The following PIGN variants were observed in gnomAD, a reference collection of about 807,000 sequenced individuals.
PIGN encodes the protein phosphatidylinositol glycan anchor biosynthesis class N.
In PIGN, 117 loss-of-function variants were observed where a neutral mutation model predicts 125.4. The ratio of observed to expected loss-of-function variants is 0.93; its 90% CI spans 0.80 to 1.09. PIGN has a LOEUF of 1.09. PIGN is among the 50% of genes least tolerant of loss of function. The probability of loss-of-function intolerance (pLI) is 0.00; values close to 1 mark genes in which losing one functional copy is unlikely to be tolerated. For missense variants in PIGN, 1,075 were observed against 1,094.9 expected (o/e 0.98, Z 0.26); for synonymous variants, 392 against 377.8 (o/e 1.04, Z -0.44).
chr18:62,170,241 A>G (rs2037303070), intron 1 of PIGN, among the ~76,000 whole-genome samples: 1 of 152,212 alleles, frequency 6.6e-6, no homozygotes, highest in Non-Finnish European at 1.5e-5. Context: ...TTCTAGATGC[A>G]GGCATACCAC....
chr18:62,174,035 G>C (rs1410832026), intron 1 of PIGN, among the ~76,000 whole-genome samples: 3 of 152,104 alleles, frequency 2.0e-5, no homozygotes, highest in Admixed American at 2.0e-4. Flanking sequence ...CCAATGTGGT[G>C]AAACCCCATC....
chr18:62,148,527 T>A (rs1057446254), intron 7 of PIGN, among the ~76,000 whole-genome samples, 189 bp from the exon 8 acceptor site: 1 of 152,086 alleles, frequency 6.6e-6, no homozygotes, highest in Non-Finnish European at 1.5e-5. Context: ...AAATAATGAG[T>A]TAGCTGTTTT....
intron 22 of PIGN, among the ~76,000 whole-genome samples, chr18:62,100,821 T>C (rs2034406752): frequency 6.6e-6 from 1 of 152,224 alleles, no homozygotes. Flanking sequence ...AGTCAAATCT[T>C]ATGAGATGTT....
Position 62,181,842 on chromosome 18 carries a change from T to C in PIGN, c.-236+5002A>G, listed in dbSNP as rs1030366087. Among the ~76,000 whole-genome samples, 9 of 152,184 alleles carry C rather than the reference T, an allele frequency of 5.9e-5. No homozygotes were observed. The South Asian group carries it at 1.9e-3, about 32-fold the overall frequency. ...CCCGGGTTCAAGCAATTCTCCTGCCTCAGCCTCCCAAGTAGCTGGGATTAC... is the reference window on the plus strand; with the variant it reads ...CCCGGGTTCAAGCAATTCTCCTGCCCCAGCCTCCCAAGTAGCTGGGATTAC... On this transcript the variant is annotated intron_variant, in intron 1 of 30. Coordinates refer to ENST00000640252, the MANE Select transcript of PIGN (RefSeq NM_176787.5).
Position 62,114,579 on chromosome 18 carries a change from G to C in PIGN, c.1233C>G (p.His411Gln). The part of the protein sequence containing the change: ...ILRKARSYIK[H>Q]RKFDEVVSLC... Reference sequence around the variant, plus strand: ...TACTTACCACTTCATCAAACTTTCTGTGTTTTATATAAGATCTTGCTTTTC... The same window carrying C: ...TACTTACCACTTCATCAAACTTTCTCTGTTTTATATAAGATCTTGCTTTTC... The change falls in exon 15 of 31, where the codon CAC becomes CAG. Residue 411 changes from histidine to glutamine, a missense_variant. This residue lies in a region of PIGN where 915 missense variants were observed against 908.7 expected (regional missense o/e 1.01). Transcript: ENST00000640252. 6.6e-7 allele frequency: 1 copy of C among 1,516,360 alleles called. No individual in the cohort carries two copies. The highest frequency in any genetic ancestry group is 9.0e-7 in the Non-Finnish European group (1 of 1,115,048). The allele number at this position is 1,516,360 out of a possible 1,614,324, so 93.9% of individuals were successfully genotyped here.
In PIGN at chr18:62,071,863, C is replaced by CATTTATAT. The variant is rs2032871288; in HGVS notation, c.2672+809_2672+810insATATAAAT. ...CGTTTTTTAGACTGTACTCCTTTTCCATATATATATATATATATATATATA... is the reference window on the plus strand; with the variant it reads ...CGTTTTTTAGACTGTACTCCTTTTCCATTTATATATATATATATATATATATATATATA... On this transcript the variant is annotated intron_variant, in intron 30 of 30. Transcript: ENST00000640252. Among the ~76,000 whole-genome samples the CATTTATAT allele has an allele frequency of 3.9e-5, 3 of 77,618 alleles. 1 individual carries two copies. The highest frequency in any genetic ancestry group is 1.6e-4 in the Admixed American group (1 of 6,328). 50.9% of individuals were successfully genotyped at this position (77,618 alleles called of 152,430 possible).
At chr18:62,141,960 C>A (rs1376306096) in intron 11 of PIGN, among the ~76,000 whole-genome samples, 4 of 152,188 alleles carry the variant, frequency 2.6e-5, no homozygotes, top group African/African-American at 9.6e-5. Context: ...CCTTGGCCTG[C>A]TAATTCCTGC....
At chr18:62,156,018 C>T (rs2036719060) in intron 6 of PIGN, among the ~76,000 whole-genome samples, 1 of 152,146 alleles carries the variant, frequency 6.6e-6, no homozygotes, top group Non-Finnish European at 1.5e-5. Flanking sequence ...ATTTTAATTA[C>T]ACTCATGACT....
In PIGN at chr18:62,027,655, A is replaced by G. The variant is rs2030140389; in HGVS notation, c.2143-9914T>C. ...TCAGTGAGCAGAGGGGTGACTTTGAATAGAATGGGAGACAGGTTTGCCCTG... is the reference window on the plus strand; with the variant it reads ...TCAGTGAGCAGAGGGGTGACTTTGAGTAGAATGGGAGACAGGTTTGCCCTG... On this transcript the variant is annotated intron_variant, in intron 23 of 24. Transcript: ENST00000639600. Among the ~76,000 whole-genome samples the G allele has an allele frequency of 2.6e-5, 4 of 152,232 alleles. No homozygotes were observed. The South Asian group carries it at 8.3e-4, about 31-fold the overall frequency.
At chr18:62,035,656 C>T (rs2030250329) in intron 23 of PIGN, among the ~76,000 whole-genome samples, 1 of 152,050 alleles carries the variant, frequency 6.6e-6, no homozygotes, top group South Asian at 2.1e-4. Flanking sequence ...AGGTATATCT[C>T]CTAATGCTAT....
At chr18:62,080,779 T>C (rs147856355) in intron 28 of PIGN, among the ~76,000 whole-genome samples, 3 of 152,290 alleles carry the variant, frequency 2.0e-5, no homozygotes, top group African/African-American at 7.2e-5. Context: ...CCAGACTCCA[T>C]GTGACGTGAG....
rs761911859 is a variant in PIGN at position 62,101,174 on chromosome 18, T to C, written c.1978A>G (p.Thr660Ala). Reference sequence around the variant, plus strand: ...TACACAACATACATGGAGAGCACTGTGCTCAGCACCTAAAGACAAAGATGA... The same window carrying C: ...TACACAACATACATGGAGAGCACTGCGCTCAGCACCTAAAGACAAAGATGA... ...LLVHLLQVLS[T>A]VLSMYVVYST... The change falls in exon 22 of 31, where the codon ACA becomes GCA. Residue 660 changes from threonine (T) to alanine (A), a missense_variant. Coordinates refer to ENST00000640252, the MANE Select transcript of PIGN (RefSeq NM_176787.5). The C allele has an allele frequency of 2.5e-6, 4 of 1,589,898 alleles. No homozygotes were observed. The highest frequency in any genetic ancestry group is 3.4e-6 in the Non-Finnish European group (4 of 1,159,864).
At chr18:62,033,149 A>G (rs1461621064) in intron 23 of PIGN, among the ~76,000 whole-genome samples, 1 of 152,208 alleles carries the variant, frequency 6.6e-6, no homozygotes, top group Non-Finnish European at 1.5e-5. Flanking sequence ...GGCTGCTAAG[A>G]ACCACTATAT....
At chr18:62,154,164 G>C (rs1028775071) in intron 7 of PIGN, 2 of 237,700 alleles carry the variant, frequency 8.4e-6, no homozygotes, top group African/African-American at 4.5e-5. Context: ...CATCCACTTT[G>C]TTATTATAAA....
At chr18:62,072,753 AAAAC>A (rs1385603931) in intron 29 of PIGN, 28 bp from the exon 30 acceptor site, 3 of 1,515,402 alleles carry the variant, frequency 2.0e-6, no homozygotes, top group South Asian at 1.2e-5. Context: ...GGCTTAATGA[AAAAC>A]AAAGCTATTT....
chr18:62,099,304 A>G (rs761505592), intron 22 of PIGN, among the ~76,000 whole-genome samples: 8 of 152,172 alleles, frequency 5.3e-5, no homozygotes, highest in Non-Finnish European at 1.0e-4. Context: ...TTTAGACCAA[A>G]AACAATCAAT....
intron 23 of PIGN, among the ~76,000 whole-genome samples, chr18:62,030,465 A>T (rs1183508187): frequency 6.6e-6 from 1 of 152,240 alleles, no homozygotes; most frequent in African/African-American, 2.4e-5. Context: ...CCTGGTTTCA[A>T]TTGGATCCAG....
rs148017111 is a variant in PIGN at position 62,185,045 on chromosome 18, T to C, written c.-236+1799A>G. On this transcript the variant is annotated intron_variant, in intron 1 of 30. Coordinates refer to ENST00000640252, the MANE Select transcript of PIGN (RefSeq NM_176787.5). ...TCTGAACTTAAGCTTTTCTATCTTA[T>C]AAGCATAATCCTCTTCAGGAATCCT... Among the ~76,000 whole-genome samples, 19 of 152,352 alleles carry C rather than the reference T, an allele frequency of 1.2e-4. No individual in the cohort carries two copies. In the East Asian group the frequency reaches 3.7e-3, roughly 29 times the overall value.
chr18:62,072,956 G>A (rs1005838368), intron 29 of PIGN, among the ~76,000 whole-genome samples: 1 of 151,914 alleles, frequency 6.6e-6, no homozygotes, highest in African/African-American at 2.4e-5. Context: ...TGACATTTCT[G>A]AATAATTAGA....
Sources: gnomAD v4.1 joint callset for allele counts (sites outside exome capture counted in the v4.1 genomes callset) on GRCh38, gnomAD v4.1.1 for gene constraint, gnomAD v4.1.1 regional missense constraint, MANE v1.5 for transcripts, NCBI Gene and HGNC (gene_info 2026-07-23, HGNC 2026-07-21) for gene names.